CNTNAP2: variants seen among roughly 807,000 people sequenced by gnomAD.
The protein encoded by CNTNAP2 is contactin associated protein 2.
Under a neutral mutation model 155.2 loss-of-function variants are expected in CNTNAP2, and 98 were observed. That is an observed-to-expected ratio of 0.63 (90% confidence interval 0.54 to 0.75). CNTNAP2 has a LOEUF of 0.75. Ranked by LOEUF, CNTNAP2 falls within the 30% of genes least tolerant of loss-of-function variation. The pLI, the probability that CNTNAP2 is intolerant of heterozygous loss-of-function variation, is 0.00. For synonymous variants in CNTNAP2, 651 were observed against 631.2 expected (o/e 1.03, Z -0.47); for missense variants, 1,727 against 1,688.1 (o/e 1.02, Z -0.40).
intron 8 of CNTNAP2, among the ~76,000 whole-genome samples, chr7:147,222,227 C>T (rs752659733): frequency 9.9e-5 from 15 of 151,508 alleles, no homozygotes; most frequent in South Asian, 4.1e-4. Flanking sequence ...ATTACACTTT[C>T]GTAGTTTCCC....
intron 3 of CNTNAP2, among the ~76,000 whole-genome samples, chr7:146,891,361 C>A (rs1416255001): frequency 6.6e-6 from 1 of 151,944 alleles, no homozygotes; most frequent in East Asian, 1.9e-4. Flanking sequence ...CACAATATAC[C>A]CATGCAACAC....
chr7:146,272,507 A>T (rs1017421243), intron 1 of CNTNAP2, among the ~76,000 whole-genome samples: 2 of 152,150 alleles, frequency 1.3e-5, no homozygotes, highest in African/African-American at 4.8e-5. Context: ...GGAGTGAAGT[A>T]CTCTGGCTCC....
chr7:146,964,159 T>G (rs1181457385), intron 3 of CNTNAP2, among the ~76,000 whole-genome samples: 1 of 152,200 alleles, frequency 6.6e-6, no homozygotes, highest in Admixed American at 6.6e-5. Flanking sequence ...GTCCACTGTT[T>G]CTGAATTAAA....
At chr7:146,952,737 C>T (rs896554172) in intron 3 of CNTNAP2, among the ~76,000 whole-genome samples, 1 of 152,054 alleles carries the variant, frequency 6.6e-6, no homozygotes, top group African/African-American at 2.4e-5. Flanking sequence ...TGAAGGACCT[C>T]TTTAAGGAGA....
chr7:146,369,050 T>TATAC (rs1286983889), intron 1 of CNTNAP2, among the ~76,000 whole-genome samples: 2,037 of 139,162 alleles, frequency 0.015, 24 homozygotes, highest in African/African-American at 0.032. Flanking sequence ...TATATATATA[T>TATAC]ACATATATAT....
intron 10 of CNTNAP2, among the ~76,000 whole-genome samples, chr7:147,471,400 G>A (rs1417226980): frequency 6.6e-6 from 1 of 152,176 alleles, no homozygotes; most frequent in Non-Finnish European, 1.5e-5. Context: ...CTGTTTGGGG[G>A]ATGAGGGTAG....
chr7:147,145,197 C>T (rs896556490), intron 8 of CNTNAP2, among the ~76,000 whole-genome samples: 2 of 152,090 alleles, frequency 1.3e-5, no homozygotes, highest in African/African-American at 4.8e-5. Context: ...TTAATAAAAC[C>T]ATGACAAATA....
intron 1 of CNTNAP2, among the ~76,000 whole-genome samples, chr7:146,744,254 A>G (rs1801772404): frequency 1.4e-5 from 2 of 146,014 alleles, no homozygotes; most frequent in Admixed American, 1.4e-4. Context: ...AAAAAAAAGC[A>G]TTTAGATTTA....
At chr7:146,147,612 G>A (rs1196029273) in intron 1 of CNTNAP2, among the ~76,000 whole-genome samples, 1 of 152,044 alleles carries the variant, frequency 6.6e-6, no homozygotes, top group Non-Finnish European at 1.5e-5. Context: ...TCTGTATTCT[G>A]TTATCAATCC....
chr7:148,016,871 T>G (rs1198866973), intron 15 of CNTNAP2, among the ~76,000 whole-genome samples: 1 of 152,206 alleles, frequency 6.6e-6, no homozygotes, highest in Admixed American at 6.5e-5. Flanking sequence ...CCCTTTCTTC[T>G]GCAGATCTGT....
At chr7:148,126,049 C>A (rs1440092564) in intron 16 of CNTNAP2, among the ~76,000 whole-genome samples, 1 of 152,030 alleles carries the variant, frequency 6.6e-6, no homozygotes, top group Non-Finnish European at 1.5e-5. Context: ...GAGGTACGAA[C>A]AATATGCTGT....
intron 22 of CNTNAP2, among the ~76,000 whole-genome samples, chr7:148,386,606 G>GAGACA (rs1799201880): frequency 6.6e-6 from 1 of 152,200 alleles, no homozygotes; most frequent in African/African-American, 2.4e-5. Context: ...AGGAACATGA[G>GAGACA]AGACAATGTG....
At chr7:146,808,172 A>AAT (rs1350544178) in intron 2 of CNTNAP2, among the ~76,000 whole-genome samples, 3 of 152,208 alleles carry the variant, frequency 2.0e-5, no homozygotes, top group Non-Finnish European at 2.9e-5. Context: ...TCATTGAAGC[A>AAT]TACAACTGTG....
At chr7:147,696,558 TA>T (rs1250136745) in intron 13 of CNTNAP2, among the ~76,000 whole-genome samples, 1 of 152,096 alleles carries the variant, frequency 6.6e-6, no homozygotes, top group African/African-American at 2.4e-5. Context: ...ATAAGAAAAA[TA>T]AAAGTTTTTG....
chr7:147,958,720 A>G (rs917877399), intron 14 of CNTNAP2, among the ~76,000 whole-genome samples: 2 of 152,208 alleles, frequency 1.3e-5, no homozygotes, highest in Non-Finnish European at 2.9e-5. Context: ...TTATACTACC[A>G]CAACTAAAAC....
intron 3 of CNTNAP2, among the ~76,000 whole-genome samples, chr7:146,937,922 A>C (rs964335495): frequency 6.6e-6 from 1 of 152,152 alleles, no homozygotes; most frequent in African/African-American, 2.4e-5. Context: ...AAGAATTTCA[A>C]CATCTTTCTG....
chr7:146,863,674 C>T (rs573906420), intron 3 of CNTNAP2, among the ~76,000 whole-genome samples: 1 of 152,134 alleles, frequency 6.6e-6, no homozygotes, highest in Admixed American at 6.6e-5. Flanking sequence ...CATTTACCAA[C>T]CAAGTATTTA....
intron 1 of CNTNAP2, among the ~76,000 whole-genome samples, chr7:146,189,819 G>T (rs891029527): frequency 6.6e-6 from 1 of 152,140 alleles, no homozygotes; most frequent in South Asian, 2.1e-4. Context: ...ATCATTTGAA[G>T]CCTTATCACA....
Position 148,041,882 on chromosome 7 carries a change from A to T in CNTNAP2, c.2383+63893A>T, listed in dbSNP as rs1585093144. Among the ~76,000 whole-genome samples, 4 of 152,170 alleles carry T rather than the reference A, an allele frequency of 2.6e-5. No homozygotes were observed. In the South Asian group the frequency reaches 8.3e-4, roughly 32 times the overall value. On this transcript the variant is annotated intron_variant, in intron 15 of 23. Coordinates refer to ENST00000361727, the MANE Select transcript of CNTNAP2 (RefSeq NM_014141.6). The stretch of plus-strand genomic sequence containing the variant: ...CACGGAATATATACAATAACAAATT[A>T]TTTTTTTAAAAAACTGGATATAACT...
Sources: gnomAD v4.1 joint callset for allele counts (sites outside exome capture counted in the v4.1 genomes callset) on GRCh38, gnomAD v4.1.1 for gene constraint, MANE v1.5 for transcripts, NCBI Gene and HGNC (gene_info 2026-07-23, HGNC 2026-07-21) for gene names.